The following CRPPA variants were observed in gnomAD, a reference collection of about 807,000 sequenced individuals.
CRPPA encodes the protein CDP-L-ribitol pyrophosphorylase A, also known as D-ribitol-5-phosphate cytidylyltransferase.
CRPPA carries 43 observed loss-of-function variants against 52.0 expected under a neutral mutation model. The observed-to-expected ratio is 0.83, with a 90% CI of 0.65 to 1.07. CRPPA has a LOEUF of 1.07. Among genes scored for constraint, CRPPA ranks in the 50% least tolerant of loss-of-function variants. The pLI, the probability that CRPPA is intolerant of heterozygous loss-of-function variation, is 0.00. For synonymous variants in CRPPA, 250 were observed against 203.5 expected, an observed-to-expected ratio of 1.23 and a Z score of -1.94; for missense variants, 629 against 551.7, an observed-to-expected ratio of 1.14 and a Z score of -1.40.
intron 3 of CRPPA, among the ~76,000 whole-genome samples, chr7:16,332,567 T>C (rs1467241494): frequency 6.6e-6 from 1 of 152,186 alleles, no homozygotes; most frequent in Non-Finnish European, 1.5e-5. Context: ...CACATTATTA[T>C]AGTGTTATTT....
intron 1 of CRPPA, among the ~76,000 whole-genome samples, chr7:16,419,418 G>C (rs1788274308): frequency 6.6e-6 from 1 of 152,168 alleles, no homozygotes; most frequent in South Asian, 2.1e-4. Context: ...TTTGACTCTG[G>C]AACAAAATTG....
intron 2 of CRPPA, among the ~76,000 whole-genome samples, chr7:16,400,877 T>G (rs907824599): frequency 2.6e-5 from 4 of 152,228 alleles, no homozygotes; most frequent in Non-Finnish European, 5.9e-5. Flanking sequence ...AGGATACAAC[T>G]GCTAAATGAA....
At chr7:16,397,891 G>A (rs1389606603) in intron 2 of CRPPA, among the ~76,000 whole-genome samples, 1 of 152,192 alleles carries the variant, frequency 6.6e-6, no homozygotes, top group African/African-American at 2.4e-5. Flanking sequence ...ACCAACGTGT[G>A]ACCAAAGCAT....
intron 9 of CRPPA, among the ~76,000 whole-genome samples, chr7:16,212,052 ATT>A (rs564365320): frequency 1.4e-4 from 21 of 151,718 alleles, no homozygotes. Context: ...TCTTTTACAA[ATT>A]TTTTTTTAAA....
At chr7:16,119,240 C>T (rs1463652392) in intron 9 of CRPPA, among the ~76,000 whole-genome samples, 2 of 151,976 alleles carry the variant, frequency 1.3e-5, no homozygotes, top group Non-Finnish European at 2.9e-5. Flanking sequence ...AGGACTGTGC[C>T]CTCCGTATCA....
chr7:16,142,637 A>T (rs17169286), intron 9 of CRPPA, among the ~76,000 whole-genome samples: 4,267 of 152,250 alleles, frequency 0.028, 113 homozygotes, highest in East Asian at 0.077. Context: ...ATTATTTTAA[A>T]TTCATTTGGA....
intron 8 of CRPPA, among the ~76,000 whole-genome samples, chr7:16,230,428 T>C (rs1037930205): frequency 1.3e-5 from 2 of 152,182 alleles, no homozygotes; most frequent in Admixed American, 6.5e-5. Context: ...ATTCCCTACA[T>C]TGTATTTTCA....
intron 8 of CRPPA, chr7:16,247,888 G>C (rs1783323012): frequency 6.6e-6 from 1 of 152,062 alleles, no homozygotes; most frequent in Non-Finnish European, 1.5e-5. Context: ...CTCTTAGCTT[G>C]GTACAGGAAC....
At chr7:16,377,697 A>G (rs1249421852) in intron 2 of CRPPA, among the ~76,000 whole-genome samples, 1 of 152,178 alleles carries the variant, frequency 6.6e-6, no homozygotes, top group Non-Finnish European at 1.5e-5. Flanking sequence ...TTCTTCTTCT[A>G]TACTCCAGCC....
chr7:16,308,894 G>A lies in CRPPA; in HGVS notation c.685-267C>T, dbSNP rs564988726. ...TTGAGATTCCTCAGTAGTTCTAGGC[G>A]TAAAAAAATGTAATACTTTGTTTCC... On this transcript the variant is annotated intron_variant, in intron 3 of 9. Transcript: ENST00000407010. Among the ~76,000 whole-genome samples, 12 of 151,194 alleles carry A rather than the reference G, an allele frequency of 7.9e-5. No homozygotes were observed. The East Asian group carries it at 1.0e-3, about 13-fold the overall frequency.
intron 5 of CRPPA, among the ~76,000 whole-genome samples, chr7:16,288,348 T>G (rs1784491441): frequency 6.6e-6 from 1 of 151,740 alleles, no homozygotes; most frequent in South Asian, 2.1e-4. Flanking sequence ...ATCAATTAAG[T>G]CAAGCTAAAA....
rs532604311 is a variant in CRPPA at position 16,237,317 on chromosome 7, G to A, written c.1119+21073C>T. On this transcript the variant is annotated intron_variant, in intron 8 of 9. Coordinates refer to ENST00000407010, the MANE Select transcript of CRPPA (RefSeq NM_001101426.4). ...AAATTTATTTCTCACAGTTCTGGAA[G>A]TTGGAAGTACAAGATCAGATTGCCA... 11 of 152,264 alleles carry A rather than the reference G, an allele frequency of 7.2e-5. No homozygotes were observed. The East Asian group carries it at 1.9e-3, about 27-fold the overall frequency. 9.4% of individuals were successfully genotyped at this position (152,264 alleles called of 1,614,324 possible).
rs1786414871 is a variant in CRPPA at position 16,360,454 on chromosome 7, C to G, written c.684+15638G>C. On this transcript the variant is annotated intron_variant, in intron 3 of 9. Coordinates refer to ENST00000407010, the MANE Select transcript of CRPPA (RefSeq NM_001101426.4). Reference sequence around the variant, plus strand: ...CAAAGTTGGAGGTCTTATACTTCCTCATTTCAAATGTTACTATAAAATCAC... The same window carrying G: ...CAAAGTTGGAGGTCTTATACTTCCTGATTTCAAATGTTACTATAAAATCAC... Among the ~76,000 whole-genome samples, 7 of 152,242 alleles carry G rather than the reference C, an allele frequency of 4.6e-5. No homozygotes were observed. The South Asian group carries it at 1.5e-3, about 32-fold the overall frequency.
At chr7:16,401,795 A>C (rs1472997100) in intron 2 of CRPPA, among the ~76,000 whole-genome samples, 1 of 152,226 alleles carries the variant, frequency 6.6e-6, no homozygotes, top group Non-Finnish European at 1.5e-5. Flanking sequence ...CTTCTGACTT[A>C]GAAAAGATTA....
chr7:16,186,955 C>G (rs990418620), intron 9 of CRPPA, among the ~76,000 whole-genome samples: 17 of 152,130 alleles, frequency 1.1e-4, no homozygotes, highest in African/African-American at 4.1e-4. Context: ...TTAACATTCA[C>G]ATTTTAGGCA....
intron 9 of CRPPA, among the ~76,000 whole-genome samples, chr7:16,161,242 G>C (rs969386555): frequency 2.0e-5 from 3 of 152,154 alleles, no homozygotes; most frequent in African/African-American, 7.2e-5. Context: ...TGGTGAGAGA[G>C]GGTATCCTTG....
chr7:16,374,167 T>G (rs1182213741), intron 3 of CRPPA, among the ~76,000 whole-genome samples: 1 of 152,064 alleles, frequency 6.6e-6, no homozygotes, highest in Non-Finnish European at 1.5e-5. Context: ...CCACCTTCAA[T>G]GTGGGTGGGA....
chr7:16,160,251 T>C (rs574571172), intron 9 of CRPPA, among the ~76,000 whole-genome samples: 1 of 152,356 alleles, frequency 6.6e-6, no homozygotes, highest in East Asian at 1.9e-4. Flanking sequence ...TATGCCTATG[T>C]CCTGAATAGT....
At position 16,171,610 on chromosome 7, in the gene CRPPA, AAAAC is replaced by A. The variant is rs568555785; in HGVS notation, c.1251+44452_1251+44455del. ...TGAAACCCCGTCTCTACTAAAACAA[AAAAC>A]AAACAAACCAAAAAAACAAAAAACA... On this transcript the variant is annotated intron_variant, in intron 9 of 9. Coordinates refer to ENST00000407010, the MANE Select transcript of CRPPA (RefSeq NM_001101426.4). Among the ~76,000 whole-genome samples, 313 of 152,214 alleles carry A rather than the reference AAAAC, an allele frequency of 2.1e-3. 2 individuals are homozygous for A. Among genetic ancestry groups the A allele is most frequent in the African/African-American group, 7.3e-3 (302 of 41,554 alleles).
Sources: allele counts gnomAD v4.1 joint callset (sites outside exome capture counted in the v4.1 genomes callset), GRCh38; gene constraint gnomAD v4.1.1; transcripts MANE v1.5; gene names NCBI Gene and HGNC (gene_info 2026-07-23, HGNC 2026-07-21).